ATP5MC3: variants seen among roughly 807,000 people sequenced by gnomAD.
ATP5MC3 encodes the protein ATP synthase F(0) complex subunit C3, mitochondrial.
A neutral mutation model predicts 15.6 loss-of-function variants in ATP5MC3; 6 were observed. That is an observed-to-expected ratio of 0.38 (90% confidence interval 0.21 to 0.76). The LOEUF (loss-of-function observed/expected upper bound fraction) is 0.76. ATP5MC3 is among the 30% of genes least tolerant of loss of function. The pLI, the probability that ATP5MC3 is intolerant of heterozygous loss-of-function variation, is 0.44. For synonymous variants in ATP5MC3, 66 were observed against 63.3 expected (o/e 1.04, Z -0.20); for missense variants, 132 against 171.2 (o/e 0.77, Z 1.28).
At position 175,178,211 on chromosome 2, in the gene ATP5MC3, G is replaced by C; in HGVS notation, c.*77C>G. The stretch of plus-strand genomic sequence containing the variant: ...ACATTCCCATGACACCAATACTACA[G>C]TTTTCGGAGTCACAGTAAGATACAC... On this transcript the variant is annotated 3_prime_UTR_variant, in exon 5 of 5. Coordinates refer to ENST00000284727, the MANE Select transcript of ATP5MC3 (RefSeq NM_001689.5). 2.0e-6 allele frequency: 3 copies of C among 1,537,350 alleles called. No homozygotes were observed. The highest frequency in any genetic ancestry group is 2.6e-6 in the Non-Finnish European group (3 of 1,148,388).
chr2:175,179,861 TA>T, intron 3 of ATP5MC3: 1 of 461,112 alleles, frequency 2.2e-6, no homozygotes, highest in Non-Finnish European at 3.7e-6. Context: ...ATAGGCAACT[TA>T]AATCAATAGA....
chr2:175,178,977 A>G, intron 4 of ATP5MC3, 80 bp downstream of exon 4: 1 of 1,550,100 alleles, frequency 6.5e-7, no homozygotes, highest in South Asian at 1.2e-5. Context: ...CACTTAATGC[A>G]AAGTAGCTAT....
In ATP5MC3 at chr2:175,181,379, G is replaced by T. The variant is rs1356829829; in HGVS notation, c.15C>A (p.Ala5=). The change falls in exon 2 of 5, where the codon GCC becomes GCA. Residue 5 remains alanine (A), a synonymous_variant. Coordinates refer to ENST00000284727, the MANE Select transcript of ATP5MC3 (RefSeq NM_001689.5). The stretch of plus-strand genomic sequence containing the variant: ...CCAGAGAGGGGGTGCAGGCGAGCTT[G>T]GCGCAGGCGAACATCTTACACTCTT... MFAC[A]KLACTPSLIR... 5 of 1,613,862 alleles carry T rather than the reference G, an allele frequency of 3.1e-6. No individual in the cohort carries two copies. Among genetic ancestry groups the T allele is most frequent in the Non-Finnish European group, 3.4e-6 (4 of 1,179,908 alleles).
At chr2:175,178,453 T>C in intron 4 of ATP5MC3, 51 bp from the exon 5 acceptor site, 1 of 1,558,528 alleles carries the variant, frequency 6.4e-7, no homozygotes, top group Non-Finnish European at 8.6e-7. Flanking sequence ...TTTCAACATG[T>C]TTGGTAAATG....
Position 175,181,475 on chromosome 2 carries a change from G to C in ATP5MC3, c.-73-9C>G. ...CCTCTCCCGCTTCCTCTCTGCGGAGGAAAAGAGGCTTAAGGTCAAGTGCCC... is the reference window on the plus strand; with the variant it reads ...CCTCTCCCGCTTCCTCTCTGCGGAGCAAAAGAGGCTTAAGGTCAAGTGCCC... On this transcript the variant is annotated splice_polypyrimidine_tract_variant and intron_variant, in intron 1 of 4. Transcript: ENST00000284727. 6.4e-7 allele frequency: 1 copy of C among 1,564,040 alleles called. No homozygotes were observed. The highest frequency in any genetic ancestry group is 1.3e-5 in the African/African-American group (1 of 74,152).
Position 175,178,311 on chromosome 2 carries a change from A to G in ATP5MC3, c.406T>C (p.Phe136Leu), listed in dbSNP as rs764602797. 6.2e-7 allele frequency: 1 copy of G among 1,610,474 alleles called. No individual in the cohort carries two copies. Among genetic ancestry groups the G allele is most frequent in the Non-Finnish European group, 8.5e-7 (1 of 1,179,060 alleles). The part of the protein sequence containing the change: ...AMGLFCLMVA[F>L]LILFAM ...TGTTACATGGCAAACAAAATCAAGAAAGCAACCATCAAACAAAAGAGACCC... is the reference window on the plus strand; with the variant it reads ...TGTTACATGGCAAACAAAATCAAGAGAGCAACCATCAAACAAAAGAGACCC... Residue 136 changes from phenylalanine (F) to leucine (L), a missense_variant, in exon 5 of 5, where the codon TTC (phenylalanine) becomes CTC (leucine). Physicochemically the swap from Phe to Leu is conservative, Grantham distance 22. This residue lies in a region of ATP5MC3 where 42 missense variants were observed against 85.0 expected (regional missense o/e 0.49). Coordinates refer to ENST00000284727, the MANE Select transcript of ATP5MC3 (RefSeq NM_001689.5).
rs555762697 is a variant in ATP5MC3 at position 175,179,114 on chromosome 2, G to A, written c.257C>T (p.Ala86Val). ...TGTTCCAATACCAGCACCAGAACCAGCCACTCCTACTGTTGCAGCACCTGC... is the reference window on the plus strand; with the variant it reads ...TGTTCCAATACCAGCACCAGAACCAACCACTCCTACTGTTGCAGCACCTGC... Reference protein sequence around the residue: ...IGAGAATVGVAGSGAGIGTVF... With the variant: ...IGAGAATVGVVGSGAGIGTVF... Residue 86 changes from alanine to valine, a missense_variant, in exon 4 of 5, where the codon GCT becomes GTT. Around this residue, in one of 2 missense-constraint regions of ATP5MC3, gnomAD observed 42 missense variants for 85.0 expected, o/e 0.49. Transcript: ENST00000284727. 6 of 1,614,160 alleles carry A rather than the reference G, an allele frequency of 3.7e-6. No individual in the cohort carries two copies. Among genetic ancestry groups the A allele is most frequent in the Non-Finnish European group, 5.1e-6 (6 of 1,180,032 alleles).
chr2:175,176,795 T>C lies in ATP5MC3; in HGVS notation c.*1493A>G, dbSNP rs1182155906. ...CTTTCTTAGGGTTCACTCACATCTA[T>C]TCATTATGTATCAGTGCCTCATTCC... is the stretch of plus-strand genomic sequence containing the variant. On this transcript the variant is annotated 3_prime_UTR_variant, in exon 5 of 5. Transcript: ENST00000284727. 2.0e-5 allele frequency: 3 copies of C among 152,224 alleles called. No individual in the cohort carries two copies. Among genetic ancestry groups the C allele is most frequent in the Non-Finnish European group, 4.4e-5 (3 of 68,026 alleles). 9.4% of individuals were successfully genotyped at this position (152,224 alleles called of 1,614,324 possible). A position where few individuals can be genotyped will look rare whatever the true frequency, so the allele number is the denominator to read the frequency against.
rs1700768386 is a variant in ATP5MC3 at position 175,181,377 on chromosome 2, T to C, written c.17A>G (p.Lys6Arg). ...CACCAGAGAGGGGGTGCAGGCGAGC[T>C]TGGCGCAGGCGAACATCTTACACTC... MFACAKLACTPSLIRA... is the reference protein window; with the variant it reads MFACARLACTPSLIRA... The change falls in exon 2 of 5, where the codon AAG becomes AGG. Residue 6 changes from lysine (K) to arginine (R), a missense_variant. Physicochemically the swap from Lys to Arg is conservative, Grantham distance 26 (BLOSUM62 2). Around this residue, in one of 2 missense-constraint regions of ATP5MC3, gnomAD observed 90 missense variants for 86.2 expected, o/e 1.04. Coordinates refer to ENST00000284727, the MANE Select transcript of ATP5MC3 (RefSeq NM_001689.5). 4 of 1,613,774 alleles carry C rather than the reference T, an allele frequency of 2.5e-6. No homozygotes were observed. The highest frequency in any genetic ancestry group is 2.2e-5 in the East Asian group (1 of 44,872).
At position 175,179,144 on chromosome 2, in the gene ATP5MC3, A is replaced by G; in HGVS notation, c.227T>C (p.Ile76Thr). The change falls in exon 4 of 5, where the codon ATT (isoleucine) becomes ACT (threonine). Residue 76 changes from isoleucine (I) to threonine (T), a missense_variant. By Grantham distance (89) the Ile-to-Thr change is moderately conservative. This residue lies in a region of ATP5MC3 where 42 missense variants were observed against 85.0 expected (regional missense o/e 0.49). Transcript: ENST00000284727. ...SRDIDTAAKF[I>T]GAGAATVGVA... ...TCCTACTGTTGCAGCACCTGCACCA[A>G]TAAATTTGGCAGCAGTATCAATGTC... 6.2e-7 allele frequency: 1 copy of G among 1,614,222 alleles called. No individual in the cohort carries two copies. Among genetic ancestry groups the G allele is most frequent in the South Asian group, 1.1e-5 (1 of 91,084 alleles).
intron 2 of ATP5MC3, among the ~76,000 whole-genome samples, chr2:175,180,712 C>A (rs1193119346): frequency 6.6e-6 from 1 of 152,180 alleles, no homozygotes; most frequent in Non-Finnish European, 1.5e-5. Flanking sequence ...GGACATATTC[C>A]AGTCCAACTT....
Position 175,180,091 on chromosome 2 carries a change from C to G in ATP5MC3, c.120+7G>C. The G allele has an allele frequency of 6.3e-7, 1 of 1,586,512 alleles. No individual in the cohort carries two copies. Among genetic ancestry groups the G allele is most frequent in the African/African-American group, 1.4e-5 (1 of 73,268 alleles). ...TGTTACCTAATTTCAATTATTGCTA[C>G]TATTACCTCTCCAGTCCTACTAGCC... On this transcript the variant is annotated splice_region_variant and intron_variant, in intron 3 of 4. Transcript: ENST00000284727.
Position 175,178,214 on chromosome 2 carries a change from T to G in ATP5MC3, c.*74A>C, listed in dbSNP as rs1034168986. 6.5e-6 allele frequency: 10 copies of G among 1,538,870 alleles called. No homozygotes were observed. In the African/African-American group the frequency reaches 1.4e-4, roughly 22 times the overall value. On this transcript the variant is annotated 3_prime_UTR_variant, in exon 5 of 5. Transcript: ENST00000284727. ...TTCCCATGACACCAATACTACAGTT[T>G]TCGGAGTCACAGTAAGATACACAGA... is the stretch of plus-strand genomic sequence containing the variant.
rs1700719326 is a variant in ATP5MC3 at position 175,178,378 on chromosome 2, C to T, written c.339G>A (p.Leu113=). ...CAAATCCCAGGATAGCATATGAGAA[C>T]AGCTGCTGCTTCAGCGAAGGGTTTC... is the stretch of plus-strand genomic sequence containing the variant. ...YARNPSLKQQ[L]FSYAILGFAL... Residue 113 remains leucine (L), a synonymous_variant, in exon 5 of 5, where the codon CTG becomes CTA. Transcript: ENST00000284727. The T allele has an allele frequency of 6.2e-7, 1 of 1,609,688 alleles. No individual in the cohort carries two copies. Among genetic ancestry groups the T allele is most frequent in the Non-Finnish European group, 8.5e-7 (1 of 1,178,558 alleles).
intron 4 of ATP5MC3, 81 bp downstream of exon 4, chr2:175,178,976 C>T: frequency 1.3e-6 from 2 of 1,546,424 alleles, no homozygotes; most frequent in Non-Finnish European, 8.7e-7. Context: ...GCACTTAATG[C>T]AAAGTAGCTA....
In ATP5MC3 at chr2:175,178,667, A is replaced by G. The variant is rs1389966606; in HGVS notation, c.315-265T>C. The G allele has an allele frequency of 3.3e-6, 4 of 1,202,848 alleles. No individual in the cohort carries two copies. The East Asian group carries it at 1.6e-4, about 47-fold the overall frequency. 74.5% of individuals were successfully genotyped at this position (1,202,848 alleles called of 1,614,324 possible). A position where few individuals can be genotyped will look rare whatever the true frequency, so the allele number is the denominator to read the frequency against. On this transcript the variant is annotated intron_variant, in intron 4 of 4. Coordinates refer to ENST00000284727, the MANE Select transcript of ATP5MC3 (RefSeq NM_001689.5). ...TCTTATCCATCTGAAAATATGATCTATACCTTTTAAGATCTGACAGTTTAG... is the reference window on the plus strand; with the variant it reads ...TCTTATCCATCTGAAAATATGATCTGTACCTTTTAAGATCTGACAGTTTAG...
intron 4 of ATP5MC3, 73 bp from the exon 5 acceptor site, chr2:175,178,475 G>A (rs1208093217): frequency 2.0e-6 from 3 of 1,521,206 alleles, no homozygotes; most frequent in Non-Finnish European, 2.6e-6. Context: ...TAAAGAATCA[G>A]ATTACTAGTG....
chr2:175,181,490 G>T, intron 1 of ATP5MC3, 24 bp from the exon 2 acceptor site: 2 of 1,482,056 alleles, frequency 1.3e-6, no homozygotes, highest in Non-Finnish European at 1.8e-6. Flanking sequence ...GAGGCTTAAG[G>T]TCAAGTGCCC....
At chr2:175,181,489 G>A (rs1452539392) in intron 1 of ATP5MC3, 23 bp from the exon 2 acceptor site, 1 of 1,486,768 alleles carries the variant, frequency 6.7e-7, no homozygotes, top group Non-Finnish European at 9.2e-7. Context: ...AGAGGCTTAA[G>A]GTCAAGTGCC....
Sources: allele counts gnomAD v4.1 joint callset (sites outside exome capture counted in the v4.1 genomes callset), GRCh38; gene constraint gnomAD v4.1.1; regional missense constraint gnomAD v4.1.1; transcripts MANE v1.5; gene names NCBI Gene and HGNC (gene_info 2026-07-23, HGNC 2026-07-21).